Variants in ASTN2 observed in about 807,000 individuals in gnomAD.
ASTN2 encodes astrotactin-2.
ASTN2 carries 54 observed loss-of-function variants against 139.8 expected under a neutral mutation model. The observed-to-expected ratio is 0.39, with a 90% CI of 0.31 to 0.48. The LOEUF is 0.48. ASTN2 is among the 20% of genes least tolerant of loss of function. ASTN2 has a pLI of 0.95. For missense variants in ASTN2, 1,565 were observed against 1,725.1 expected, an observed-to-expected ratio of 0.91 and a Z score of 1.64; for synonymous variants, 756 against 719.5, an observed-to-expected ratio of 1.05 and a Z score of -0.81.
At chr9:117,225,854 A>G (rs954665058) in intron 2 of ASTN2, among the ~76,000 whole-genome samples, 1 of 152,004 alleles carries the variant, frequency 6.6e-6, no homozygotes, top group African/African-American at 2.4e-5. Context: ...AAAACATTCA[A>G]TACGTGGTAG....
intron 22 of ASTN2, among the ~76,000 whole-genome samples, chr9:116,431,553 C>T (rs991013005): frequency 1.3e-5 from 2 of 151,848 alleles, no homozygotes; most frequent in African/African-American, 2.4e-5. Context: ...CAAAAGCAAG[C>T]CTGCTGAGCT....
intron 15 of ASTN2, 146 bp downstream of exon 15, chr9:116,728,846 C>A: frequency 1.5e-6 from 1 of 668,008 alleles, no homozygotes; most frequent in Non-Finnish European, 2.6e-6. Flanking sequence ...CACCCACCCT[C>A]CCTAGGACTC....
At chr9:116,487,240 A>C in intron 20 of ASTN2, 119 bp downstream of exon 20, 1 of 1,258,218 alleles carries the variant, frequency 7.9e-7, no homozygotes. Context: ...CTCAAGTTGC[A>C]CATACAGGCT....
intron 19 of ASTN2, among the ~76,000 whole-genome samples, chr9:116,533,715 T>G (rs536015937): frequency 6.6e-6 from 1 of 152,366 alleles, no homozygotes; most frequent in South Asian, 2.1e-4. Flanking sequence ...TGAAGCCCAC[T>G]TGATCATGGT....
At chr9:117,126,926 G>T (rs1187443801) in intron 4 of ASTN2, among the ~76,000 whole-genome samples, 1 of 152,202 alleles carries the variant, frequency 6.6e-6, no homozygotes, top group Non-Finnish European at 1.5e-5. Flanking sequence ...TGAAAGTGAG[G>T]TTGGAGACCC....
At chr9:117,223,370 C>A (rs1316628253) in intron 2 of ASTN2, among the ~76,000 whole-genome samples, 1 of 152,122 alleles carries the variant, frequency 6.6e-6, no homozygotes, top group African/African-American at 2.4e-5. Flanking sequence ...CAGCCACATA[C>A]AACAAAGAAT....
Position 116,725,754 on chromosome 9 carries a change from A to G in ASTN2, c.2806+17T>C. On this transcript the variant is annotated intron_variant, in intron 16 of 22. Transcript: ENST00000313400. ...AGCCTGCCTGGCCACCTCCTACAGT[A>G]GGCACTCCGGGCTTACCTTTCTGAT... 6.2e-7 allele frequency: 1 copy of G among 1,609,358 alleles called. No individual in the cohort carries two copies. The highest frequency in any genetic ancestry group is 1.1e-5 in the South Asian group (1 of 90,354).
At chr9:116,456,453 A>T (rs1848335602) in intron 20 of ASTN2, among the ~76,000 whole-genome samples, 1 of 152,192 alleles carries the variant, frequency 6.6e-6, no homozygotes, top group Non-Finnish European at 1.5e-5. Context: ...TGCAATCCCT[A>T]GCAAAATACC....
chr9:116,482,615 C>T (rs1253158514), intron 20 of ASTN2, among the ~76,000 whole-genome samples: 2 of 152,100 alleles, frequency 1.3e-5, no homozygotes, highest in African/African-American at 2.4e-5. Context: ...ACTGACCCAA[C>T]GTACCACTGA....
intron 19 of ASTN2, among the ~76,000 whole-genome samples, chr9:116,542,755 A>G (rs1851926778): frequency 6.6e-6 from 1 of 151,222 alleles, no homozygotes; most frequent in South Asian, 2.1e-4. Flanking sequence ...AAGCCCTTCC[A>G]AAAATACAAA....
intron 10 of ASTN2, among the ~76,000 whole-genome samples, chr9:116,920,003 T>C (rs572204722): frequency 5.9e-5 from 9 of 152,180 alleles, no homozygotes; most frequent in African/African-American, 1.9e-4. Flanking sequence ...CATCAGTTCA[T>C]GGCTGACAGA....
intron 11 of ASTN2, among the ~76,000 whole-genome samples, chr9:116,842,154 G>A (rs1428222975): frequency 2.6e-5 from 4 of 152,304 alleles, no homozygotes; most frequent in Non-Finnish European, 5.9e-5. Flanking sequence ...ATGAGTTATC[G>A]GAGGACTTTG....
intron 16 of ASTN2, among the ~76,000 whole-genome samples, chr9:116,721,025 A>T (rs1035214594): frequency 2.0e-5 from 3 of 152,110 alleles, no homozygotes; most frequent in Non-Finnish European, 4.4e-5. Context: ...ATACACACAA[A>T]CATACACACC....
chr9:116,576,830 C>T (rs984106369), intron 19 of ASTN2, among the ~76,000 whole-genome samples: 2 of 152,116 alleles, frequency 1.3e-5, no homozygotes, highest in African/African-American at 4.8e-5. Context: ...GGATCTTTTA[C>T]CATCTCTCCT....
intron 19 of ASTN2, among the ~76,000 whole-genome samples, chr9:116,565,231 C>A (rs764756481): frequency 1.1e-5 from 1 of 91,832 alleles, no homozygotes; most frequent in Non-Finnish European, 3.1e-5. Flanking sequence ...CACACACACA[C>A]ACACACACAC....
chr9:116,892,105 C>T (rs978267931), intron 10 of ASTN2, among the ~76,000 whole-genome samples: 1 of 152,104 alleles, frequency 6.6e-6, no homozygotes. Flanking sequence ...GAACCAGTCT[C>T]ATATCTAATT....
At chr9:117,077,831 GA>G (rs1392085963) in intron 5 of ASTN2, among the ~76,000 whole-genome samples, 1 of 151,708 alleles carries the variant, frequency 6.6e-6, no homozygotes, top group Admixed American at 6.6e-5. Flanking sequence ...GACCTTAAAG[GA>G]AAAAAAACCC....
intron 11 of ASTN2, among the ~76,000 whole-genome samples, chr9:116,850,634 C>T (rs565335595): frequency 1.3e-5 from 2 of 152,360 alleles, no homozygotes; most frequent in South Asian, 2.1e-4. Context: ...TCCAAAGTTA[C>T]ACTTAAAAGT....
chr9:117,013,875 C>T (rs1837602426), intron 6 of ASTN2, among the ~76,000 whole-genome samples: 1 of 152,226 alleles, frequency 6.6e-6, no homozygotes, highest in South Asian at 2.1e-4. Context: ...CACCTCACAT[C>T]ATGAAATAGA....
Sources: allele counts gnomAD v4.1 joint callset (sites outside exome capture counted in the v4.1 genomes callset), GRCh38; gene constraint gnomAD v4.1.1; transcripts MANE v1.5; gene names NCBI Gene and HGNC (gene_info 2026-07-23, HGNC 2026-07-21).